The following SUCLG2 variants were observed in gnomAD, a reference collection of about 807,000 sequenced individuals.
The protein encoded by SUCLG2 is succinate--CoA ligase [GDP-forming] subunit beta, mitochondrial.
In SUCLG2, 42 loss-of-function variants were observed where a neutral mutation model predicts 47.9. The ratio of observed to expected loss-of-function variants is 0.88; its 90% CI spans 0.69 to 1.14. The LOEUF is 1.14. Among genes scored for constraint, SUCLG2 ranks in the 50% most tolerant of loss-of-function variants. The pLI is 0.00. For synonymous variants in SUCLG2, 195 were observed against 197.3 expected, an observed-to-expected ratio of 0.99 and a Z score of 0.10; for missense variants, 571 against 525.9, an observed-to-expected ratio of 1.09 and a Z score of -0.84.
At chr3:67,599,619 C>T (rs1708371131) in intron 2 of SUCLG2, among the ~76,000 whole-genome samples, 1 of 151,862 alleles carries the variant, frequency 6.6e-6, no homozygotes, top group Non-Finnish European at 1.5e-5. Context: ...CATCAAATAC[C>T]TTTAGCACTG....
chr3:67,360,841 A>G, intron 10 of SUCLG2: 1 of 1,212,664 alleles, frequency 8.2e-7, no homozygotes, highest in Admixed American at 2.8e-5. Context: ...ACAGTATGGT[A>G]TTCCTAAGAT....
rs560281917 is a variant in SUCLG2, at chr3:67,406,993, G to A, written c.1063-6142C>T. Among the ~76,000 whole-genome samples the A allele has an allele frequency of 2.0e-5, 3 of 152,238 alleles. No homozygotes were observed. In the East Asian group the frequency reaches 5.8e-4, roughly 29 times the overall value. On this transcript the variant is annotated intron_variant, in intron 9 of 10. Coordinates refer to ENST00000307227, the MANE Select transcript of SUCLG2 (RefSeq NM_003848.4). ...TAGGAATAGCTGGATAATGATAAAG[G>A]AGCCACTGACATTCACCAGGGATCG...
chr3:67,591,002 AT>A (rs1204680946), intron 2 of SUCLG2, among the ~76,000 whole-genome samples: 8 of 152,222 alleles, frequency 5.3e-5, no homozygotes, highest in African/African-American at 1.9e-4. Flanking sequence ...CAACTAAAAA[AT>A]ATCTCATCTC....
intron 10 of SUCLG2, among the ~76,000 whole-genome samples, chr3:67,368,041 A>T (rs1045324674): frequency 5.9e-5 from 9 of 152,166 alleles, no homozygotes; most frequent in African/African-American, 2.2e-4. Context: ...AATATTATTT[A>T]TTCCATTTAC....
intron 1 of SUCLG2, among the ~76,000 whole-genome samples, chr3:67,622,093 A>T (rs1700746177): frequency 6.6e-6 from 1 of 152,206 alleles, no homozygotes; most frequent in South Asian, 2.1e-4. Flanking sequence ...GATTACAGAG[A>T]TGCTACATAG....
At chr3:67,466,045 G>A (rs906671754) in intron 9 of SUCLG2, among the ~76,000 whole-genome samples, 1 of 152,104 alleles carries the variant, frequency 6.6e-6, no homozygotes, top group African/African-American at 2.4e-5. Context: ...CGTTGTATCT[G>A]CTTAAATACC....
At chr3:67,388,280 G>A (rs915096746) in intron 10 of SUCLG2, among the ~76,000 whole-genome samples, 11 of 152,148 alleles carry the variant, frequency 7.2e-5, no homozygotes, top group Admixed American at 1.3e-4. Context: ...CTCTCTTACC[G>A]TAAGAATCTG....
chr3:67,378,121 C>G (rs1325851383), intron 10 of SUCLG2, among the ~76,000 whole-genome samples: 1 of 152,222 alleles, frequency 6.6e-6, no homozygotes, highest in East Asian at 1.9e-4. Flanking sequence ...GTTACAGGAG[C>G]TAGCATTATT....
At chr3:67,398,187 AAG>A (rs1279556845) in intron 10 of SUCLG2, among the ~76,000 whole-genome samples, 1 of 150,382 alleles carries the variant, frequency 6.6e-6, no homozygotes, top group Non-Finnish European at 1.5e-5. Flanking sequence ...AATTAAACTA[AAG>A]AGCTTCTGCG....
chr3:67,497,111 A>G (rs1207440995), intron 8 of SUCLG2, among the ~76,000 whole-genome samples: 6 of 152,188 alleles, frequency 3.9e-5, no homozygotes, highest in African/African-American at 1.4e-4. Flanking sequence ...GCTTATCAGG[A>G]TCAGAATGAT....
chr3:67,431,559 T>C (rs944095004), intron 9 of SUCLG2, among the ~76,000 whole-genome samples: 1 of 152,014 alleles, frequency 6.6e-6, no homozygotes, highest in African/African-American at 2.4e-5. Flanking sequence ...TATGCAGCCA[T>C]AAAAAAGGTT....
chr3:67,608,864 A>G (rs1443574521), intron 2 of SUCLG2, among the ~76,000 whole-genome samples: 1 of 151,900 alleles, frequency 6.6e-6, no homozygotes, highest in African/African-American at 2.4e-5. Flanking sequence ...TTTTTGTAGA[A>G]ACGGGTTCTG....
intron 10 of SUCLG2, among the ~76,000 whole-genome samples, chr3:67,365,871 G>A (rs1701868741): frequency 6.6e-6 from 1 of 152,070 alleles, no homozygotes; most frequent in Non-Finnish European, 1.5e-5. Flanking sequence ...ATTTGTACAG[G>A]CAGTTTGCGT....
At chr3:67,498,732 T>G (rs1482685848) in intron 7 of SUCLG2, among the ~76,000 whole-genome samples, 1 of 152,228 alleles carries the variant, frequency 6.6e-6, no homozygotes, top group Admixed American at 6.5e-5. Flanking sequence ...TTTCTTGATA[T>G]GGTAAAGTGA....
chr3:67,638,827 T>G (rs1701051159), intron 1 of SUCLG2, among the ~76,000 whole-genome samples: 2 of 152,178 alleles, frequency 1.3e-5, no homozygotes, highest in Non-Finnish European at 2.9e-5. Flanking sequence ...ATTCAGCAGC[T>G]TAGCCAATAA....
chr3:67,585,987 A>AC (rs1708008014), intron 2 of SUCLG2, among the ~76,000 whole-genome samples: 2 of 47,056 alleles, frequency 4.3e-5, no homozygotes, highest in Non-Finnish European at 6.6e-5. Context: ...AAAAAAAAAA[A>AC]AAAACCAAAC....
At chr3:67,551,470 CACA>C (rs1559568440) in intron 2 of SUCLG2, among the ~76,000 whole-genome samples, 2 of 152,180 alleles carry the variant, frequency 1.3e-5, no homozygotes, top group African/African-American at 4.8e-5. Flanking sequence ...TGGCAGAGAA[CACA>C]ACACTTGATT....
chr3:67,629,748 C>T (rs919842663), intron 1 of SUCLG2, among the ~76,000 whole-genome samples: 3 of 152,116 alleles, frequency 2.0e-5, no homozygotes, highest in Admixed American at 1.3e-4. Context: ...CACCAGCAGT[C>T]ACCTCATTAG....
intron 8 of SUCLG2, among the ~76,000 whole-genome samples, chr3:67,496,668 A>G (rs1705349514): frequency 6.6e-6 from 1 of 152,212 alleles, no homozygotes; most frequent in Non-Finnish European, 1.5e-5. Flanking sequence ...ACATCTTAGG[A>G]GCCTTTCTTA....
Sources: allele counts gnomAD v4.1 joint callset (sites outside exome capture counted in the v4.1 genomes callset), GRCh38; gene constraint gnomAD v4.1.1; transcripts MANE v1.5; gene names NCBI Gene and HGNC (gene_info 2026-07-23, HGNC 2026-07-21).